The following HEATR5B variants were observed in gnomAD, a reference collection of about 807,000 sequenced individuals.
HEATR5B encodes HEAT repeat-containing protein 5B.
Under a neutral mutation model 224.1 loss-of-function variants are expected in HEATR5B, and 156 were observed. That is an observed-to-expected ratio of 0.70 (90% CI 0.61 to 0.80). The LOEUF is 0.80. HEATR5B is among the 30% of genes least tolerant of loss of function. The pLI is 0.00. For synonymous variants in HEATR5B, 1,027 were observed against 893.0 expected (o/e 1.15, Z -2.68); for missense variants, 2,323 against 2,535.5 (o/e 0.92, Z 1.80).
At chr2:37,019,203 G>A (rs549990146) in intron 26 of HEATR5B, among the ~76,000 whole-genome samples, 2 of 151,856 alleles carry the variant, frequency 1.3e-5, no homozygotes, top group East Asian at 3.9e-4. Context: ...GGTTTTGTGA[G>A]TCTCTGCAGA....
intron 34 of HEATR5B, among the ~76,000 whole-genome samples, chr2:36,989,189 G>T (rs1408460039): frequency 6.6e-6 from 1 of 152,038 alleles, no homozygotes; most frequent in African/African-American, 2.4e-5. Flanking sequence ...GGGTTCAAGC[G>T]ATTCTCCTGC....
chr2:37,040,262 G>C (rs1263320622), intron 20 of HEATR5B, 67 bp downstream of exon 20: 1 of 1,234,612 alleles, frequency 8.1e-7, no homozygotes, highest in Non-Finnish European at 1.2e-6. Flanking sequence ...ATGTGATGGT[G>C]ATATTCAGGA....
chr2:37,075,255 T>C (rs138199059), intron 5 of HEATR5B, among the ~76,000 whole-genome samples: 45 of 152,246 alleles, frequency 3.0e-4, no homozygotes, highest in African/African-American at 9.6e-4. Context: ...TATGGATACA[T>C]ATAACAACAT....
intron 5 of HEATR5B, among the ~76,000 whole-genome samples, chr2:37,074,196 G>A (rs531361793): frequency 9.9e-4 from 150 of 151,908 alleles, no homozygotes; most frequent in African/African-American, 3.0e-3. Context: ...GGTGGCGGAC[G>A]CCTGTAGTCC....
Position 36,990,651 on chromosome 2 carries a change from T to C in HEATR5B, c.5694A>G (p.Pro1898=). 5.1e-6 allele frequency: 8 copies of C among 1,583,338 alleles called. No homozygotes were observed. The South Asian group carries it at 8.1e-5, about 16-fold the overall frequency. The change falls in exon 34 of 36, where the codon CCA becomes CCG. Residue 1898 remains proline, a synonymous_variant. Coordinates refer to ENST00000233099, the MANE Select transcript of HEATR5B (RefSeq NM_019024.3). ...GTCTGTGTAACGTGTAACTTACCCA[T>C]GGGTCGCATGAATTTAATGCATTTT... ...RFKNALNSCD[P]WVQAKCYQLL...
chr2:37,080,671 A>G (rs995684856), intron 2 of HEATR5B, among the ~76,000 whole-genome samples: 1 of 152,184 alleles, frequency 6.6e-6, no homozygotes, highest in Non-Finnish European at 1.5e-5. Context: ...GATGCCACTT[A>G]GATAAGAAAG....
At chr2:37,017,741 T>C (rs2148428694) in intron 26 of HEATR5B, among the ~76,000 whole-genome samples, 1 of 146,714 alleles carries the variant, frequency 6.8e-6, no homozygotes, top group South Asian at 2.2e-4. Flanking sequence ...AGATAATGCA[T>C]TATGGATTTT....
At position 37,084,372 on chromosome 2, in the gene HEATR5B, G is replaced by A. The variant is rs925912515; in HGVS notation, c.-126C>T. 2 of 584,858 alleles carry A rather than the reference G, an allele frequency of 3.4e-6. No individual in the cohort carries two copies. The highest frequency in any genetic ancestry group is 4.4e-5 in the Admixed American group (1 of 22,908). The allele number at this position is 584,858 out of a possible 1,614,324, so 36.2% of individuals were successfully genotyped here. On this transcript the variant is annotated 5_prime_UTR_variant, in exon 1 of 36. Transcript: ENST00000233099. ...GCACTCCTACCTGCAGGAAACAAGG[G>A]AAGAGCGCTTGCGCGGAGGGCTGGT...
At chr2:36,987,632 A>G (rs956377155) in intron 35 of HEATR5B, among the ~76,000 whole-genome samples, 1 of 152,202 alleles carries the variant, frequency 6.6e-6, no homozygotes, top group African/African-American at 2.4e-5. Context: ...GGATGTATGC[A>G]GTAGTTTTTC....
At chr2:37,038,543 C>T (rs1287335999) in intron 20 of HEATR5B, among the ~76,000 whole-genome samples, 1 of 152,168 alleles carries the variant, frequency 6.6e-6, no homozygotes, top group African/African-American at 2.4e-5. Flanking sequence ...TTTGAAAATA[C>T]TTGATAAACA....
intron 33 of HEATR5B, among the ~76,000 whole-genome samples, chr2:36,998,713 T>C (rs1362821129): frequency 6.6e-6 from 1 of 152,190 alleles, no homozygotes; most frequent in East Asian, 1.9e-4. Flanking sequence ...GAGAGTTTTA[T>C]ATATTCACAT....
chr2:37,002,071 G>C (rs1165954892), intron 32 of HEATR5B, among the ~76,000 whole-genome samples: 2 of 152,158 alleles, frequency 1.3e-5, no homozygotes, highest in African/African-American at 4.8e-5. Flanking sequence ...TCAACCTGTA[G>C]TTCCATGTCT....
intron 26 of HEATR5B, among the ~76,000 whole-genome samples, chr2:37,019,303 A>G (rs1362639923): frequency 6.6e-6 from 1 of 152,216 alleles, no homozygotes; most frequent in Non-Finnish European, 1.5e-5. Context: ...TAATACCCAC[A>G]AAGTAGCAAA....
intron 26 of HEATR5B, among the ~76,000 whole-genome samples, chr2:37,016,826 T>C (rs914772118): frequency 4.6e-4 from 70 of 152,298 alleles, no homozygotes; most frequent in African/African-American, 1.6e-3. Context: ...AAACTAATTT[T>C]AATAAAATTA....
chr2:37,082,835 T>C (rs1672688479), intron 2 of HEATR5B, among the ~76,000 whole-genome samples: 1 of 152,304 alleles, frequency 6.6e-6, no homozygotes. Flanking sequence ...TCTGTGTGTG[T>C]CTTTAATTCC....
chr2:36,988,732 C>A lies in HEATR5B; in HGVS notation c.5825G>T (p.Arg1942Ile). ...TAAAAGCTCTATGTTACTGGCTGGTCTGTTTCTTTCAACAGCTTTTAGCTT... is the reference window on the plus strand; with the variant it reads ...TAAAAGCTCTATGTTACTGGCTGGTATGTTTCTTTCAACAGCTTTTAGCTT... ...VEKLKAVERN[R>I]PASNIELLAV... The change falls in exon 35 of 36, where the codon AGA (arginine) becomes ATA (isoleucine). Residue 1942 changes from arginine (R) to isoleucine (I), a missense_variant. This residue lies in a region of HEATR5B where 844 missense variants were observed against 812.9 expected (regional missense o/e 1.04). Transcript: ENST00000233099. 6.2e-7 allele frequency: 1 copy of A among 1,613,480 alleles called. No homozygotes were observed. Among genetic ancestry groups the A allele is most frequent in the South Asian group, 1.1e-5 (1 of 91,082 alleles).
chr2:37,071,649 GACT>G (rs1671914598), intron 6 of HEATR5B, among the ~76,000 whole-genome samples: 1 of 150,724 alleles, frequency 6.6e-6, no homozygotes, highest in Admixed American at 6.6e-5. Context: ...CAAAAAATGT[GACT>G]ACATCAAGGA....
intron 16 of HEATR5B, 44 bp from the exon 17 acceptor site, chr2:37,053,651 T>C: frequency 1.7e-6 from 2 of 1,201,166 alleles, no homozygotes; most frequent in Non-Finnish European, 2.4e-6. Context: ...ACAAATTTTA[T>C]TCCAATATGG....
At position 37,041,299 on chromosome 2, in the gene HEATR5B, A is replaced by C. The variant is rs188315256; in HGVS notation, c.2697-7T>G. The C allele has an allele frequency of 3.0e-4, 488 of 1,613,622 alleles. 3 individuals carry two copies. In the East Asian group the frequency reaches 7.8e-3, roughly 26 times the overall value. ...ATCTCGAGCCGATTTCAACCTGAAAAAAAGATTATGCTTCAAGCACTAACT... is the reference window on the plus strand; with the variant it reads ...ATCTCGAGCCGATTTCAACCTGAAACAAAGATTATGCTTCAAGCACTAACT... On this transcript the variant is annotated splice_region_variant and splice_polypyrimidine_tract_variant and intron_variant, in intron 18 of 35. Transcript: ENST00000233099.
Sources: allele counts gnomAD v4.1 joint callset (sites outside exome capture counted in the v4.1 genomes callset), GRCh38; gene constraint gnomAD v4.1.1; regional missense constraint gnomAD v4.1.1; transcripts MANE v1.5; gene names NCBI Gene and HGNC (gene_info 2026-07-23, HGNC 2026-07-21).